The following CDH4 variants were observed in gnomAD, a reference collection of about 807,000 sequenced individuals.
The protein encoded by CDH4 is cadherin-4.
CDH4 carries 33 observed loss-of-function variants against 86.0 expected under a neutral mutation model. That is an observed-to-expected ratio of 0.38 (90% CI 0.29 to 0.51). The LOEUF (loss-of-function observed/expected upper bound fraction) is 0.51, where lower values mean the gene tolerates loss of function less well. Among genes scored for constraint, CDH4 ranks in the 20% least tolerant of loss-of-function variants. The pLI, the probability that CDH4 is intolerant of heterozygous loss-of-function variation, is 0.86. For synonymous variants in CDH4, 555 were observed against 549.4 expected (o/e 1.01, Z -0.14); for missense variants, 1,114 against 1,307.4 (o/e 0.85, Z 2.28).
At position 61,491,588 on chromosome 20, in the gene CDH4, A is replaced by G. The variant is rs139346338; in HGVS notation, c.169+236651A>G. On this transcript the variant is annotated intron_variant, in intron 2 of 15. Coordinates refer to ENST00000614565, the MANE Select transcript of CDH4 (RefSeq NM_001794.5). ...CAAAAATTGTGATGCAGTCTTGAAG[A>G]AAGTGAAATTTTAAGACAAGTCTGC... Among the ~76,000 whole-genome samples, 1,097 of 152,352 alleles carry G rather than the reference A, an allele frequency of 7.2e-3. 12 individuals are homozygous for G. Among genetic ancestry groups the G allele is most frequent in the Non-Finnish European group, 8.2e-3 (555 of 68,036 alleles).
At chr20:61,602,566 G>A (rs1168550872) in intron 2 of CDH4, among the ~76,000 whole-genome samples, 1 of 152,024 alleles carries the variant, frequency 6.6e-6, no homozygotes, top group African/African-American at 2.4e-5. Flanking sequence ...CTCATTCTTT[G>A]GGGATGTTTT....
rs144944792 is a variant in CDH4, at chr20:61,733,607, G to A, written c.170-9956G>A. On this transcript the variant is annotated intron_variant, in intron 2 of 15. Transcript: ENST00000614565. ...GGGCTGACTGCCCAGCACCCAGGAC[G>A]GTACGTAGGGAGGAAATGGGTACAC... Among the ~76,000 whole-genome samples the A allele has an allele frequency of 2.3e-3, 357 of 152,014 alleles. 2 individuals are homozygous for A. The highest frequency in any genetic ancestry group is 8.1e-3 in the African/African-American group (334 of 41,416).
At chr20:61,276,987 C>G (rs1269998371) in intron 2 of CDH4, among the ~76,000 whole-genome samples, 1 of 152,168 alleles carries the variant, frequency 6.6e-6, no homozygotes, top group East Asian at 1.9e-4. Context: ...CCAAGTGCAC[C>G]ATTCCAGGCC....
At chr20:61,302,160 G>A (rs1055952708) in intron 2 of CDH4, among the ~76,000 whole-genome samples, 1 of 152,210 alleles carries the variant, frequency 6.6e-6, no homozygotes, top group Admixed American at 6.5e-5. Flanking sequence ...CATTTAGTAG[G>A]CCGAGGTCTG....
chr20:61,375,025 C>T (rs2084859117), intron 2 of CDH4, among the ~76,000 whole-genome samples: 1 of 152,230 alleles, frequency 6.6e-6, no homozygotes, highest in African/African-American at 2.4e-5. Context: ...AGTCATGCCA[C>T]ATTTCTGGAC....
At chr20:61,560,426 C>A (rs1451439126) in intron 2 of CDH4, among the ~76,000 whole-genome samples, 1 of 152,168 alleles carries the variant, frequency 6.6e-6, no homozygotes, top group Non-Finnish European at 1.5e-5. Context: ...TTGATTTAAG[C>A]TTATTTGAAA....
chr20:61,415,322 T>C (rs927255568), intron 2 of CDH4, among the ~76,000 whole-genome samples: 7 of 152,170 alleles, frequency 4.6e-5, no homozygotes, highest in African/African-American at 1.7e-4. Context: ...AGTGGCCATG[T>C]TGAAAAAAAA....
chr20:61,842,137 C>T (rs1226091055), intron 4 of CDH4, among the ~76,000 whole-genome samples: 1 of 152,228 alleles, frequency 6.6e-6, no homozygotes, highest in African/African-American at 2.4e-5. Context: ...TTGAGTCTCT[C>T]TGAAGGCTAG....
chr20:61,428,834 G>A (rs1477108890), intron 2 of CDH4, among the ~76,000 whole-genome samples: 2 of 152,154 alleles, frequency 1.3e-5, no homozygotes, highest in Non-Finnish European at 2.9e-5. Flanking sequence ...GAGAGATAGT[G>A]AGAGAGAGTG....
At chr20:61,444,433 G>A (rs1353870599) in intron 2 of CDH4, among the ~76,000 whole-genome samples, 8 of 145,546 alleles carry the variant, frequency 5.5e-5, no homozygotes, top group African/African-American at 7.6e-5. Flanking sequence ...GTGTATGTGT[G>A]TGTGGGTTTC....
chr20:61,691,054 C>T (rs1230756353), intron 2 of CDH4, among the ~76,000 whole-genome samples: 1 of 152,204 alleles, frequency 6.6e-6, no homozygotes, highest in Non-Finnish European at 1.5e-5. Flanking sequence ...CCTTTTCCTT[C>T]TGAGAGTGAT....
chr20:61,755,857 G>A (rs1888233), intron 3 of CDH4, among the ~76,000 whole-genome samples: 48,864 of 152,036 alleles, frequency 0.32, 7,972 homozygotes, highest in East Asian at 0.54. Flanking sequence ...AAACACATGC[G>A]CAGGTGTTGC....
chr20:61,686,170 A>G (rs1443285262), intron 2 of CDH4, among the ~76,000 whole-genome samples: 1 of 152,194 alleles, frequency 6.6e-6, no homozygotes, highest in Non-Finnish European at 1.5e-5. Context: ...AAAGAATCAG[A>G]AGTTTCACGA....
intron 3 of CDH4, among the ~76,000 whole-genome samples, chr20:61,772,025 G>A (rs1452212397): frequency 1.3e-5 from 2 of 152,202 alleles, no homozygotes; most frequent in East Asian, 3.9e-4. Flanking sequence ...CCCAGCAGCA[G>A]GAGCTGCATC....
At chr20:61,385,363 A>C (rs1413725073) in intron 2 of CDH4, among the ~76,000 whole-genome samples, 2 of 152,064 alleles carry the variant, frequency 1.3e-5, no homozygotes, top group Non-Finnish European at 2.9e-5. Flanking sequence ...CTTCCCTTCC[A>C]AGACCATGAG....
intron 2 of CDH4, among the ~76,000 whole-genome samples, chr20:61,713,825 T>C (rs1488004365): frequency 6.6e-6 from 1 of 152,112 alleles, no homozygotes; most frequent in Non-Finnish European, 1.5e-5. Context: ...CTGAGACTAC[T>C]AGAAGCCCAT....
At chr20:61,788,481 G>T (rs75006712) in intron 4 of CDH4, among the ~76,000 whole-genome samples, 7,308 of 152,240 alleles carry the variant, frequency 0.048, 204 homozygotes, top group Middle Eastern at 0.1. Flanking sequence ...CTGGCTCCCA[G>T]CTCCCTTCCG....
chr20:61,580,316 G>C, intron 2 of CDH4, among the ~76,000 whole-genome samples: 1 of 152,168 alleles, frequency 6.6e-6, no homozygotes, highest in South Asian at 2.1e-4. Context: ...TTAGCCAGGC[G>C]TGGTGGTGCA....
At chr20:61,877,128 C>G (rs1028680659) in intron 7 of CDH4, among the ~76,000 whole-genome samples, 2 of 152,120 alleles carry the variant, frequency 1.3e-5, no homozygotes, top group Admixed American at 6.5e-5. Context: ...TGTCAAGGCC[C>G]GTGATAGGGA....
Sources: gnomAD v4.1 joint callset for allele counts (sites outside exome capture counted in the v4.1 genomes callset) on GRCh38, gnomAD v4.1.1 for gene constraint, MANE v1.5 for transcripts, NCBI Gene and HGNC (gene_info 2026-07-23, HGNC 2026-07-21) for gene names.